The following EBF2 variants were observed in gnomAD, a reference collection of about 807,000 sequenced individuals.
EBF2 encodes the protein EBF transcription factor 2, also known as transcription factor COE2.
A neutral mutation model predicts 72.8 loss-of-function variants in EBF2; 21 were observed. The ratio of observed to expected loss-of-function variants is 0.29; its 90% CI spans 0.20 to 0.42. EBF2 has a LOEUF of 0.42. Ranked by LOEUF, EBF2 falls within the 10% of genes least tolerant of loss-of-function variation. EBF2 has a pLI of 1.00. For missense variants in EBF2, 637 were observed against 731.2 expected, an observed-to-expected ratio of 0.87 and a Z score of 1.49; for synonymous variants, 299 against 274.2, an observed-to-expected ratio of 1.09 and a Z score of -0.89.
Position 25,869,262 on chromosome 8 carries a change from A to T in EBF2, c.1010-6465T>A, listed in dbSNP as rs566892808. Among the ~76,000 whole-genome samples the T allele has an allele frequency of 4.6e-5, 7 of 152,304 alleles. No individual in the cohort carries two copies. The East Asian group carries it at 1.4e-3, about 29-fold the overall frequency. ...AACTGCTCTGGATATAGAATAGTTAAGTACACTCTCCCATTCAAGATCAAC... is the reference window on the plus strand; with the variant it reads ...AACTGCTCTGGATATAGAATAGTTATGTACACTCTCCCATTCAAGATCAAC... On this transcript the variant is annotated intron_variant, in intron 10 of 15. Coordinates refer to ENST00000520164, the MANE Select transcript of EBF2 (RefSeq NM_022659.4).
intron 6 of EBF2, among the ~76,000 whole-genome samples, chr8:25,926,215 G>A (rs764973298): frequency 2.6e-5 from 4 of 152,074 alleles, no homozygotes; most frequent in Admixed American, 6.6e-5. Context: ...CGTTGCTCTC[G>A]CCGTATGGTG....
At chr8:25,941,315 C>T (rs1487034906) in intron 6 of EBF2, among the ~76,000 whole-genome samples, 1 of 151,896 alleles carries the variant, frequency 6.6e-6, no homozygotes, top group East Asian at 1.9e-4. Context: ...AAGTGATTCT[C>T]CTGCCTCAGC....
intron 6 of EBF2, among the ~76,000 whole-genome samples, chr8:25,928,451 G>A (rs1173355252): frequency 1.3e-5 from 2 of 152,080 alleles, no homozygotes; most frequent in Non-Finnish European, 2.9e-5. Flanking sequence ...AACCAAATGT[G>A]AATTTTCTAT....
chr8:25,851,461 A>G lies in EBF2; in HGVS notation c.1529-700T>C, dbSNP rs114832626. Among the ~76,000 whole-genome samples, 1,321 of 152,306 alleles carry G rather than the reference A, an allele frequency of 8.7e-3. 19 individuals are homozygous for G. The highest frequency in any genetic ancestry group is 0.03 in the African/African-American group (1,258 of 41,546). The stretch of plus-strand genomic sequence containing the variant: ...ACTTAAGGGAAGACAAAAGCCAAGC[A>G]TTATAATTTCCAAGAAAAAATAAAA... On this transcript the variant is annotated intron_variant, in intron 14 of 15. Transcript: ENST00000520164.
At chr8:25,940,248 A>C (rs1273281079) in intron 6 of EBF2, among the ~76,000 whole-genome samples, 3 of 152,222 alleles carry the variant, frequency 2.0e-5, no homozygotes, top group African/African-American at 7.2e-5. Flanking sequence ...AGTATTTTAC[A>C]CAACAGTTTT....
intron 6 of EBF2, chr8:26,032,785 T>C: frequency 3.5e-6 from 1 of 289,500 alleles, no homozygotes; most frequent in Non-Finnish European, 6.5e-6. Flanking sequence ...ATTGAGACCA[T>C]ACCCTGCCCG....
At chr8:25,951,302 A>T (rs1206687381) in intron 6 of EBF2, among the ~76,000 whole-genome samples, 1 of 152,112 alleles carries the variant, frequency 6.6e-6, no homozygotes, top group Non-Finnish European at 1.5e-5. Flanking sequence ...CGGGAGCCTG[A>T]GGAGTGGTTA....
intron 6 of EBF2, among the ~76,000 whole-genome samples, chr8:25,916,205 G>C (rs1803211682): frequency 6.7e-6 from 1 of 148,306 alleles, no homozygotes; most frequent in African/African-American, 2.5e-5. Context: ...AGAATCACTT[G>C]AATCTGGGAG....
rs1016489642 is a variant in EBF2, at chr8:26,044,190, G to T, written c.131+539C>A. 2.6e-4 allele frequency among the ~76,000 whole-genome samples: 39 copies of T among 152,136 alleles called. No homozygotes were observed. The highest frequency in any genetic ancestry group is 9.4e-4 in the African/African-American group (39 of 41,416). On this transcript the variant is annotated intron_variant, in intron 1 of 15. Transcript: ENST00000520164. The surrounding 1 kb of genome is among the most constrained non-coding windows in gnomAD (Gnocchi z 4.1). Reference sequence around the variant, plus strand: ...CCCTCCCAGAGCTCCCGGCCGCCTCGTCTTCCCGGGCAGCCGCTCCGGCTT... The same window carrying T: ...CCCTCCCAGAGCTCCCGGCCGCCTCTTCTTCCCGGGCAGCCGCTCCGGCTT...
chr8:26,038,467 C>T (rs146583289), intron 5 of EBF2, among the ~76,000 whole-genome samples: 1 of 152,194 alleles, frequency 6.6e-6, no homozygotes, highest in East Asian at 1.9e-4. Flanking sequence ...ATGGGGCATG[C>T]AAGTATTATT....
intron 14 of EBF2, among the ~76,000 whole-genome samples, chr8:25,857,579 T>C (rs568467409): frequency 6.6e-6 from 1 of 152,136 alleles, no homozygotes; most frequent in African/African-American, 2.4e-5. Flanking sequence ...GTTTGAAAAA[T>C]GCACTCTCTC....
chr8:25,880,564 T>G (rs1455893365), intron 10 of EBF2, among the ~76,000 whole-genome samples: 1 of 152,132 alleles, frequency 6.6e-6, no homozygotes, highest in Non-Finnish European at 1.5e-5. Flanking sequence ...GTGTGCAAAG[T>G]GTTTGTTTTT....
chr8:26,005,286 AT>A (rs372737251), intron 6 of EBF2, among the ~76,000 whole-genome samples: 1 of 8,528 alleles, frequency 1.2e-4, no homozygotes, highest in Non-Finnish European at 2.1e-4. Context: ...TAATTATATA[AT>A]TATATAATTA....
At chr8:26,018,116 T>C (rs1036093159) in intron 6 of EBF2, among the ~76,000 whole-genome samples, 5 of 151,982 alleles carry the variant, frequency 3.3e-5, no homozygotes, top group Non-Finnish European at 7.4e-5. Context: ...GGAAAAGTTT[T>C]TTTTTTTTTC....
At chr8:25,874,929 T>C (rs1307091498) in intron 10 of EBF2, among the ~76,000 whole-genome samples, 1 of 146,922 alleles carries the variant, frequency 6.8e-6, no homozygotes, top group Non-Finnish European at 1.5e-5. Flanking sequence ...CAAGTGATCC[T>C]CTGGCCTCAG....
intron 6 of EBF2, among the ~76,000 whole-genome samples, chr8:25,942,583 C>CTA (rs1803694099): frequency 6.6e-6 from 1 of 152,218 alleles, no homozygotes; most frequent in East Asian, 1.9e-4. Context: ...TAACCCCAGC[C>CTA]CCCTCCTCAG....
At chr8:25,867,003 T>A (rs1408759152) in intron 10 of EBF2, among the ~76,000 whole-genome samples, 1 of 152,204 alleles carries the variant, frequency 6.6e-6, no homozygotes, top group Non-Finnish European at 1.5e-5. Flanking sequence ...TTTCTTGGTA[T>A]ATATCTAAAT....
intron 7 of EBF2, among the ~76,000 whole-genome samples, chr8:25,905,033 A>T (rs780881440): frequency 2.6e-5 from 4 of 152,220 alleles, no homozygotes; most frequent in Non-Finnish European, 5.9e-5. Flanking sequence ...AAATGGGCAA[A>T]GGATTTAAAT....
chr8:25,880,138 T>G (rs903943949), intron 10 of EBF2, among the ~76,000 whole-genome samples: 1 of 152,182 alleles, frequency 6.6e-6, no homozygotes, highest in African/African-American at 2.4e-5. Flanking sequence ...CAAAATAAAT[T>G]TTTGCTGAAT....
Sources: allele counts gnomAD v4.1 joint callset (sites outside exome capture counted in the v4.1 genomes callset), GRCh38; gene constraint gnomAD v4.1.1; non-coding constraint Gnocchi (gnomAD v3.1); transcripts MANE v1.5; gene names NCBI Gene and HGNC (gene_info 2026-07-23, HGNC 2026-07-21).